The following PIK3C2G variants were observed in gnomAD, a reference collection of about 807,000 sequenced individuals.
PIK3C2G encodes the protein phosphatidylinositol 3-kinase C2 domain-containing subunit gamma.
PIK3C2G carries 168 observed loss-of-function variants against 181.1 expected under a neutral mutation model. That is an observed-to-expected ratio of 0.93 (90% CI 0.82 to 1.05). The LOEUF is 1.05. Ranked by LOEUF, PIK3C2G falls within the 50% of genes least tolerant of loss-of-function variation. PIK3C2G has a pLI of 0.00. For missense variants in PIK3C2G, 1,869 were observed against 1,732.8 expected (o/e 1.08, Z -1.40); for synonymous variants, 573 against 592.2 (o/e 0.97, Z 0.47).
intron 16 of PIK3C2G, among the ~76,000 whole-genome samples, chr12:18,402,612 CAA>C (rs1484721104): frequency 1.3e-5 from 2 of 152,008 alleles, no homozygotes; most frequent in South Asian, 2.1e-4. Flanking sequence ...AATTTTCTAA[CAA>C]GATAACTTTC....
chr12:18,526,431 A>G (rs543942243), intron 24 of PIK3C2G, among the ~76,000 whole-genome samples: 1 of 152,282 alleles, frequency 6.6e-6, no homozygotes, highest in East Asian at 1.9e-4. Context: ...TGAGTGTTTT[A>G]AGGATATCTT....
At chr12:18,243,545 A>T (rs921829275), upstream of PIK3C2G, among the ~76,000 whole-genome samples, 3 of 152,144 alleles carry the variant, frequency 2.0e-5, no homozygotes, top group Non-Finnish European at 2.9e-5. Flanking sequence ...AAAACATTTT[A>T]ATCACAATTA....
At position 18,478,984 on chromosome 12, in the gene PIK3C2G, A is replaced by T. The variant is rs542037407; in HGVS notation, c.2505-9465A>T. ...AGTGAGATCCTGTCTCAAAAAAAAA[A>T]AAATATATATATATATGTATATATA... is the stretch of plus-strand genomic sequence containing the variant. On this transcript the variant is annotated intron_variant, in intron 18 of 32. Coordinates refer to ENST00000538779, the MANE Select transcript of PIK3C2G (RefSeq NM_001288772.2). Among the ~76,000 whole-genome samples the T allele has an allele frequency of 6.2e-3, 912 of 147,878 alleles. 9 individuals carry two copies. The highest frequency in any genetic ancestry group is 0.02 in the African/African-American group (827 of 40,798).
intron 5 of PIK3C2G, among the ~76,000 whole-genome samples, chr12:18,300,465 T>C (rs1950128334): frequency 6.6e-6 from 1 of 152,072 alleles, no homozygotes; most frequent in African/African-American, 2.4e-5. Context: ...TTTCTGTTTA[T>C]GCAGAATATC....
At chr12:18,689,567 G>A in the PIK3C2G span, among the ~76,000 whole-genome samples, 1 of 152,124 alleles carries the variant, frequency 6.6e-6, no homozygotes, top group African/African-American at 2.4e-5. Flanking sequence ...GGTTTAGGGA[G>A]CATTGATCAA....
chr12:18,604,391 T>A (rs1400526935), intron 30 of PIK3C2G, among the ~76,000 whole-genome samples: 9 of 152,084 alleles, frequency 5.9e-5, no homozygotes, highest in Admixed American at 5.9e-4. Flanking sequence ...CCCAAAGTTA[T>A]AAAACAATTA....
At chr12:18,377,417 C>T (rs1942527930) in intron 13 of PIK3C2G, among the ~76,000 whole-genome samples, 2 of 152,092 alleles carry the variant, frequency 1.3e-5, no homozygotes, top group African/African-American at 2.4e-5. Flanking sequence ...CTTCTAATGG[C>T]ATCATATTAA....
At chr12:18,395,872 G>A (rs571334361) in intron 15 of PIK3C2G, among the ~76,000 whole-genome samples, 2 of 150,612 alleles carry the variant, frequency 1.3e-5, no homozygotes, top group Admixed American at 6.6e-5. Context: ...AATTTTAAGA[G>A]TATATTTAAA....
chr12:18,558,696 T>G (rs1945137632), intron 26 of PIK3C2G, among the ~76,000 whole-genome samples: 1 of 152,300 alleles, frequency 6.6e-6, no homozygotes, highest in East Asian at 1.9e-4. Flanking sequence ...CCTACTTTCA[T>G]GGCAAGTTAA....
At chr12:18,588,420 A>C (rs1213533017) in intron 29 of PIK3C2G, among the ~76,000 whole-genome samples, 1 of 152,158 alleles carries the variant, frequency 6.6e-6, no homozygotes, top group Non-Finnish European at 1.5e-5. Context: ...AACCCCATTA[A>C]AATGTGGACA....
chr12:18,450,041 C>CT (rs1947262919), intron 18 of PIK3C2G, among the ~76,000 whole-genome samples: 1 of 152,136 alleles, frequency 6.6e-6, no homozygotes, highest in African/African-American at 2.4e-5. Flanking sequence ...CAGTGATGAG[C>CT]TTTTTTTCAC....
At chr12:18,498,057 T>A (rs12372560) in intron 22 of PIK3C2G, among the ~76,000 whole-genome samples, 60,702 of 151,972 alleles carry the variant, frequency 0.4, 12,631 homozygotes, top group African/African-American at 0.52. Context: ...CTCATTTTCT[T>A]ATATAAAGCC....
chr12:18,412,381 T>C lies in PIK3C2G; in HGVS notation c.2316-8560T>C, dbSNP rs114396408. 7.0e-3 allele frequency among the ~76,000 whole-genome samples: 1,066 copies of C among 152,218 alleles called. 6 individuals are homozygous for C. Among genetic ancestry groups the C allele is most frequent in the African/African-American group, 0.019 (779 of 41,542 alleles). Reference sequence around the variant, plus strand: ...TATTTCCATAATAATTCTAAGATGCTATTTGCCTTTGTCACACTCATTTGC... The same window carrying C: ...TATTTCCATAATAATTCTAAGATGCCATTTGCCTTTGTCACACTCATTTGC... On this transcript the variant is annotated intron_variant, in intron 16 of 32. Transcript: ENST00000538779.
chr12:18,640,649 G>A (rs561239), intron 32 of PIK3C2G, 95 bp downstream of exon 32: 235,738 of 1,094,850 alleles, frequency 0.22, 28,102 homozygotes, highest in Middle Eastern at 0.28. Flanking sequence ...GTAATTGGCA[G>A]CATTATTTCA....
chr12:18,284,430 A>G (rs1399508164), intron 2 of PIK3C2G, among the ~76,000 whole-genome samples: 1 of 152,204 alleles, frequency 6.6e-6, no homozygotes, highest in African/African-American at 2.4e-5. Context: ...TTAACGATTC[A>G]TAGTGTGCCA....
intron 28 of PIK3C2G, among the ~76,000 whole-genome samples, chr12:18,564,418 G>A (rs1223464117): frequency 2.7e-5 from 4 of 150,020 alleles, no homozygotes; most frequent in African/African-American, 7.4e-5. Context: ...ACTTTACCTG[G>A]CATACTTGAT....
chr12:18,653,862 G>T, the PIK3C2G span, among the ~76,000 whole-genome samples: 1 of 152,076 alleles, frequency 6.6e-6, no homozygotes, highest in East Asian at 1.9e-4. Context: ...CTAGGCTGAG[G>T]TTCAGAAATA....
chr12:18,306,722 T>C (rs1950436746), intron 5 of PIK3C2G, among the ~76,000 whole-genome samples: 1 of 152,068 alleles, frequency 6.6e-6, no homozygotes, highest in Non-Finnish European at 1.5e-5. Context: ...TATTTTAATA[T>C]TTTGTTATAT....
intron 14 of PIK3C2G, among the ~76,000 whole-genome samples, chr12:18,386,242 CT>C (rs769686406): frequency 1.3e-5 from 2 of 152,212 alleles, no homozygotes; most frequent in Non-Finnish European, 2.9e-5. Flanking sequence ...CATATTCTCC[CT>C]GGATGCTCTC....
Sources: allele counts gnomAD v4.1 joint callset (sites outside exome capture counted in the v4.1 genomes callset), GRCh38; gene constraint gnomAD v4.1.1; transcripts MANE v1.5; gene names NCBI Gene and HGNC (gene_info 2026-07-23, HGNC 2026-07-21).